Variants in DNAH7 observed in about 807,000 individuals in gnomAD.
DNAH7 encodes the protein dynein axonemal heavy chain 7.
DNAH7 carries 397 observed loss-of-function variants against 444.6 expected under a neutral mutation model. The ratio of observed to expected loss-of-function variants is 0.89; its 90% confidence interval spans 0.82 to 0.97. The LOEUF is 0.97. Among genes scored for constraint, DNAH7 ranks in the 50% least tolerant of loss-of-function variants. The probability of loss-of-function intolerance (pLI) is 0.00; values close to 1 mark genes in which losing one functional copy is unlikely to be tolerated. For missense variants in DNAH7, 4,902 were observed against 4,800.8 expected, an observed-to-expected ratio of 1.02 and a Z score of -0.62; for synonymous variants, 1,636 against 1,624.4, an observed-to-expected ratio of 1.01 and a Z score of -0.17.
At chr2:195,793,382 C>T (rs1225232879) in intron 57 of DNAH7, among the ~76,000 whole-genome samples, 1 of 152,134 alleles carries the variant, frequency 6.6e-6, no homozygotes, top group Non-Finnish European at 1.5e-5. Flanking sequence ...ATTCCTGGAC[C>T]TGAAATGTAG....
intron 28 of DNAH7, among the ~76,000 whole-genome samples, chr2:195,898,696 G>A (rs916139932): frequency 5.3e-5 from 8 of 152,190 alleles, no homozygotes; most frequent in Non-Finnish European, 8.8e-5. Flanking sequence ...CGCCCAGAAC[G>A]CCACATGTTA....
At chr2:195,895,753 G>T (rs1330767314) in intron 29 of DNAH7, among the ~76,000 whole-genome samples, 1 of 151,762 alleles carries the variant, frequency 6.6e-6, no homozygotes, top group Non-Finnish European at 1.5e-5. Flanking sequence ...TCTGTTTTTG[G>T]TTACTATTTT....
Position 195,832,177 on chromosome 2 carries a change from A to C in DNAH7, c.9100+2029T>G, listed in dbSNP as rs531184575. Reference sequence around the variant, plus strand: ...TTGGTCATGACCCACTAAATTGGTTATCTCTCCCATGGTTATGACCCATAC... The same window carrying C: ...TTGGTCATGACCCACTAAATTGGTTCTCTCTCCCATGGTTATGACCCATAC... On this transcript the variant is annotated intron_variant, in intron 48 of 64. Coordinates refer to ENST00000312428, the MANE Select transcript of DNAH7 (RefSeq NM_018897.3). Among the ~76,000 whole-genome samples the C allele has an allele frequency of 3.1e-4, 47 of 152,290 alleles. No homozygotes were observed. The South Asian group carries it at 7.3e-3, about 24-fold the overall frequency.
intron 61 of DNAH7, among the ~76,000 whole-genome samples, chr2:195,767,467 C>T (rs1694640064): frequency 6.6e-6 from 1 of 152,022 alleles, no homozygotes; most frequent in South Asian, 2.1e-4. Flanking sequence ...TTCGACACTT[C>T]TATACCTTTA....
At chr2:195,974,103 G>C (rs1692030579) in intron 15 of DNAH7, among the ~76,000 whole-genome samples, 1 of 151,966 alleles carries the variant, frequency 6.6e-6, no homozygotes, top group Non-Finnish European at 1.5e-5. Context: ...GGGAAGGGAA[G>C]AAAGAAAGGG....
Position 195,858,720 on chromosome 2 carries a change from C to T in DNAH7, c.7821G>A (p.Met2607Ile). 1 of 1,614,032 alleles carries T rather than the reference C, an allele frequency of 6.2e-7. No individual in the cohort carries two copies. Residue 2607 changes from methionine to isoleucine, a missense_variant, in exon 43 of 65, where the codon ATG (methionine) becomes ATA (isoleucine). Met to Ile is a conservative substitution (Grantham distance 10). Transcript: ENST00000312428. ...ATTGAGGATGTAGTGCCTCCAACTC[C>T]ATCTGCATTGTGGCTACTTGAGATG... ...SASSQVATMQ[M>I]ELEALHPQLK...
chr2:195,970,099 T>C lies in DNAH7; in HGVS notation c.2059-5A>G. ...CACAAACCGTTCACACCGTAACTAA[T>C]AAAAACAATTTGTTGTTAATATTCT... On this transcript the variant is annotated splice_polypyrimidine_tract_variant and splice_region_variant and intron_variant, in intron 16 of 64. Transcript: ENST00000312428. The C allele has an allele frequency of 6.3e-7, 1 of 1,588,926 alleles. No individual in the cohort carries two copies. The highest frequency in any genetic ancestry group is 1.7e-4 in the Middle Eastern group (1 of 5,932).
chr2:196,008,054 A>C (rs1412441543), intron 10 of DNAH7, among the ~76,000 whole-genome samples: 3 of 152,136 alleles, frequency 2.0e-5, no homozygotes, highest in African/African-American at 7.2e-5. Flanking sequence ...CTTAAATCTC[A>C]ACAACAAAAT....
At chr2:196,065,729 C>T (rs993870074) in intron 1 of DNAH7, among the ~76,000 whole-genome samples, 4 of 152,184 alleles carry the variant, frequency 2.6e-5, no homozygotes, top group Non-Finnish European at 2.9e-5. Context: ...CCATTCCAAG[C>T]GTCTAGCACT....
intron 61 of DNAH7, among the ~76,000 whole-genome samples, chr2:195,766,029 GTA>G (rs1472392693): frequency 6.6e-6 from 1 of 151,846 alleles, no homozygotes; most frequent in Non-Finnish European, 1.5e-5. Flanking sequence ...ACACAACAGT[GTA>G]TTATTCAGTC....
At chr2:195,870,956 C>T (rs901006078) in intron 40 of DNAH7, among the ~76,000 whole-genome samples, 2 of 152,166 alleles carry the variant, frequency 1.3e-5, no homozygotes, top group Non-Finnish European at 2.9e-5. Context: ...CTCCAGCTCT[C>T]AGTACATTTC....
intron 9 of DNAH7, among the ~76,000 whole-genome samples, chr2:196,015,106 T>C (rs1361507654): frequency 6.6e-6 from 1 of 152,182 alleles, no homozygotes; most frequent in Non-Finnish European, 1.5e-5. Context: ...TGGATTCAAG[T>C]GTTACCTGTA....
intron 16 of DNAH7, among the ~76,000 whole-genome samples, chr2:195,971,495 T>A (rs192403118): frequency 6.6e-6 from 1 of 152,196 alleles, no homozygotes; most frequent in Admixed American, 6.5e-5. Flanking sequence ...GTGGTCAAAG[T>A]GAGAGCACAG....
chr2:196,032,462 G>A (rs1429757762), intron 5 of DNAH7, among the ~76,000 whole-genome samples: 1 of 152,194 alleles, frequency 6.6e-6, no homozygotes. Flanking sequence ...TACCAAAGGA[G>A]AGAATGAGTA....
At chr2:196,054,599 C>CCA (rs1697687127) in intron 2 of DNAH7, among the ~76,000 whole-genome samples, 1 of 152,118 alleles carries the variant, frequency 6.6e-6, no homozygotes, top group Admixed American at 6.5e-5. Context: ...TCACCCCACC[C>CCA]CACCTCCACC....
chr2:195,745,383 T>C (rs1693333393), intron 63 of DNAH7, among the ~76,000 whole-genome samples: 1 of 152,232 alleles, frequency 6.6e-6, no homozygotes, highest in African/African-American at 2.4e-5. Flanking sequence ...GTCTCATTGG[T>C]GTACCTGAAA....
At chr2:195,818,210 A>G (rs16840220) in intron 49 of DNAH7, among the ~76,000 whole-genome samples, 13,983 of 152,304 alleles carry the variant, frequency 0.092, 710 homozygotes, top group African/African-American at 0.13. Context: ...CTCTAGAATC[A>G]TAATAGTTGG....
At chr2:195,759,313 T>C (rs1156457562) in intron 61 of DNAH7, among the ~76,000 whole-genome samples, 1 of 152,144 alleles carries the variant, frequency 6.6e-6, no homozygotes, top group African/African-American at 2.4e-5. Flanking sequence ...ACCTGCACTC[T>C]TGAAGGGAAG....
At chr2:195,746,958 C>T (rs938388415) in intron 63 of DNAH7, among the ~76,000 whole-genome samples, 10 of 151,722 alleles carry the variant, frequency 6.6e-5, no homozygotes, top group Admixed American at 2.0e-4. Context: ...AGAGCAAACA[C>T]ATTCAAAAGC....
Sources: allele counts gnomAD v4.1 joint callset (sites outside exome capture counted in the v4.1 genomes callset), GRCh38; gene constraint gnomAD v4.1.1; transcripts MANE v1.5; gene names NCBI Gene and HGNC (gene_info 2026-07-23, HGNC 2026-07-21).